The following CFAP58 variants were observed in gnomAD, a reference collection of about 807,000 sequenced individuals.
CFAP58 encodes cilia- and flagella-associated protein 58.
Under a neutral mutation model 119.5 loss-of-function variants are expected in CFAP58, and 88 were observed. The ratio of observed to expected loss-of-function variants is 0.74; its 90% CI spans 0.62 to 0.88. The LOEUF (loss-of-function observed/expected upper bound fraction) is 0.88, where lower values mean the gene tolerates loss of function less well. CFAP58 is among the 40% of genes least tolerant of loss of function. CFAP58 has a pLI of 0.00. For missense variants in CFAP58, 990 were observed against 1,021.2 expected (o/e 0.97, Z 0.42); for synonymous variants, 365 against 366.3 (o/e 1.00, Z 0.04).
At chr10:104,415,655 A>C (rs537590344) in intron 15 of CFAP58, among the ~76,000 whole-genome samples, 1 of 152,166 alleles carries the variant, frequency 6.6e-6, no homozygotes, top group Non-Finnish European at 1.5e-5. Flanking sequence ...CAGGGCACCA[A>C]AAATACCTGT....
At chr10:104,438,369 TTTTTG>T (rs1278057378) in intron 15 of CFAP58, among the ~76,000 whole-genome samples, 2,841 of 127,860 alleles carry the variant, frequency 0.022, 291 homozygotes, top group African/African-American at 0.099. Flanking sequence ...TTGTTTTTTT[TTTTTG>T]TTTTTTTTTT....
chr10:104,385,552 C>T (rs1314814815), intron 9 of CFAP58, among the ~76,000 whole-genome samples: 1 of 152,148 alleles, frequency 6.6e-6, no homozygotes, highest in Non-Finnish European at 1.5e-5. Flanking sequence ...TGTGGTGGCT[C>T]ATACCTGTAA....
At chr10:104,407,750 G>A (rs920846566) in intron 15 of CFAP58, among the ~76,000 whole-genome samples, 5 of 152,142 alleles carry the variant, frequency 3.3e-5, no homozygotes, top group African/African-American at 1.2e-4. Flanking sequence ...AGGCTGGAGT[G>A]CAGTGGCGCC....
chr10:104,406,480 A>T (rs2012360950), intron 14 of CFAP58, among the ~76,000 whole-genome samples: 1 of 152,198 alleles, frequency 6.6e-6, no homozygotes, highest in Non-Finnish European at 1.5e-5. Context: ...GCCATAGAAA[A>T]AACACTAGGA....
At chr10:104,451,315 T>C (rs1341370448) in intron 17 of CFAP58, among the ~76,000 whole-genome samples, 2 of 152,222 alleles carry the variant, frequency 1.3e-5, no homozygotes, top group Non-Finnish European at 2.9e-5. Flanking sequence ...TCTGCCCTTC[T>C]TGTAAATCAG....
chr10:104,453,011 G>A (rs1366484724), intron 17 of CFAP58, among the ~76,000 whole-genome samples: 1 of 152,214 alleles, frequency 6.6e-6, no homozygotes, highest in African/African-American at 2.4e-5. Context: ...GAAGAAGGCT[G>A]AGGGAGTCAT....
rs775702489 is a variant in CFAP58, at chr10:104,361,991, T to C, written c.292-32T>C. On this transcript the variant is annotated intron_variant, in intron 2 of 17. Transcript: ENST00000369704. Reference sequence around the variant, plus strand: ...ATCTTGCATCTAGAATCCAGTTTGGTCTTTCTCACTGATATCCTATGGCCC... The same window carrying C: ...ATCTTGCATCTAGAATCCAGTTTGGCCTTTCTCACTGATATCCTATGGCCC... 4 of 1,601,062 alleles carry C rather than the reference T, an allele frequency of 2.5e-6. No individual in the cohort carries two copies. The Admixed American group carries it at 7.0e-5, about 28-fold the overall frequency.
chr10:104,410,022 T>C (rs2012436366), intron 15 of CFAP58, among the ~76,000 whole-genome samples: 1 of 152,186 alleles, frequency 6.6e-6, no homozygotes, highest in South Asian at 2.1e-4. Flanking sequence ...TTACTACCTA[T>C]TCCCTTTTTA....
chr10:104,338,907 G>GT, the CFAP58 span, among the ~76,000 whole-genome samples: 21,516 of 140,346 alleles, frequency 0.15, 2,944 homozygotes, highest in African/African-American at 0.37. Context: ...GCTTACTACC[G>GT]TTTTTTTTTT....
At position 104,416,908 on chromosome 10, in the gene CFAP58, T is replaced by C. The variant is rs545496409; in HGVS notation, c.2256+10115T>C. ...AACACTGTGGTCATTGAATTTATCA[T>C]GTATAGATTGCCTTGGTCATTCATG... is the stretch of plus-strand genomic sequence containing the variant. On this transcript the variant is annotated intron_variant, in intron 15 of 17. Transcript: ENST00000369704. Among the ~76,000 whole-genome samples, 7 of 152,332 alleles carry C rather than the reference T, an allele frequency of 4.6e-5. No homozygotes were observed. In the East Asian group the frequency reaches 1.4e-3, roughly 29 times the overall value.
At chr10:104,432,534 C>T (rs1336743678) in intron 15 of CFAP58, among the ~76,000 whole-genome samples, 3 of 150,446 alleles carry the variant, frequency 2.0e-5, no homozygotes, top group East Asian at 2.0e-4. Context: ...GACGGAGTCT[C>T]GCTCTGTCAC....
At chr10:104,395,634 G>A (rs1357817405) in intron 11 of CFAP58, among the ~76,000 whole-genome samples, 2 of 152,158 alleles carry the variant, frequency 1.3e-5, no homozygotes, top group Non-Finnish European at 2.9e-5. Context: ...TTAGCCTCTT[G>A]ACTTTTTTAG....
intron 1 of CFAP58, among the ~76,000 whole-genome samples, chr10:104,357,858 CACATAT>C (rs2014576463): frequency 5.2e-5 from 4 of 77,430 alleles, no homozygotes; most frequent in East Asian, 5.1e-4. Flanking sequence ...CACATATATA[CACATAT>C]ATACACATAT....
At chr10:104,355,090 A>G (rs1194021242) in intron 1 of CFAP58, among the ~76,000 whole-genome samples, 2 of 152,012 alleles carry the variant, frequency 1.3e-5, no homozygotes, top group Non-Finnish European at 2.9e-5. Flanking sequence ...TCCATCACTC[A>G]CATCTCTCTC....
intron 1 of CFAP58, among the ~76,000 whole-genome samples, chr10:104,356,581 C>T (rs2135240490): frequency 6.6e-6 from 1 of 152,302 alleles, no homozygotes; most frequent in East Asian, 1.9e-4. Flanking sequence ...TAATGCAATC[C>T]GTACTCCTTT....
At chr10:104,340,942 T>C in the CFAP58 span, among the ~76,000 whole-genome samples, 1 of 152,168 alleles carries the variant, frequency 6.6e-6, no homozygotes, top group African/African-American at 2.4e-5. Context: ...GGAAGGAAAC[T>C]TGTGGTTTAT....
Position 104,450,163 on chromosome 10 carries a change from G to A in CFAP58, c.2469G>A (p.Lys823=), listed in dbSNP as rs1371855448. Reference sequence around the variant, plus strand: ...TTACCAATGAGCTCCAGAATTTAAAGAAGAAATACCTCGCTCAGAAACGTA... The same window carrying A: ...TTACCAATGAGCTCCAGAATTTAAAAAAGAAATACCTCGCTCAGAAACGTA... ...EKLTNELQNL[K]KKYLAQKRKE... The change falls in exon 17 of 18, where the codon AAG becomes AAA. Residue 823 remains lysine (K), a synonymous_variant. Transcript: ENST00000369704. 1 of 1,613,430 alleles carries A rather than the reference G, an allele frequency of 6.2e-7. No individual in the cohort carries two copies. The highest frequency in any genetic ancestry group is 1.3e-5 in the African/African-American group (1 of 74,884).
At position 104,419,134 on chromosome 10, in the gene CFAP58, C is replaced by G. The variant is rs1163399347; in HGVS notation, c.2256+12341C>G. The stretch of plus-strand genomic sequence containing the variant: ...TGGGGTTTCTGGGAATGCCTGCTTT[C>G]CTGCACATGCTTCTGCCTGCCAGGG... On this transcript the variant is annotated intron_variant, in intron 15 of 17. Coordinates refer to ENST00000369704, the MANE Select transcript of CFAP58 (RefSeq NM_001008723.2). Among the ~76,000 whole-genome samples the G allele has an allele frequency of 2.0e-5, 3 of 152,296 alleles. No individual in the cohort carries two copies. In the South Asian group the frequency reaches 6.2e-4, roughly 32 times the overall value.
At chr10:104,450,032 T>C (rs1411197543) in intron 16 of CFAP58, 39 bp from the exon 17 acceptor site, 3 of 1,570,730 alleles carry the variant, frequency 1.9e-6, no homozygotes, top group Non-Finnish European at 2.6e-6. Flanking sequence ...GAAAAGGATA[T>C]TGTATCTTTT....
Sources: allele counts gnomAD v4.1 joint callset (sites outside exome capture counted in the v4.1 genomes callset), GRCh38; gene constraint gnomAD v4.1.1; transcripts MANE v1.5; gene names NCBI Gene and HGNC (gene_info 2026-07-23, HGNC 2026-07-21).